Variants in TMEM117 observed in about 807,000 individuals in gnomAD.
The protein encoded by TMEM117 is transmembrane protein 117.
In TMEM117, 27 loss-of-function variants were observed where a neutral mutation model predicts 52.4. The ratio of observed to expected loss-of-function variants is 0.51; its 90% CI spans 0.38 to 0.71. TMEM117 has a LOEUF of 0.71. Among genes scored for constraint, TMEM117 ranks in the 30% least tolerant of loss-of-function variants. The pLI is 0.00. For missense variants in TMEM117, 556 were observed against 630.5 expected (o/e 0.88, Z 1.26); for synonymous variants, 215 against 206.3 (o/e 1.04, Z -0.36).
chr12:43,974,713 G>GT (rs1215889297), intron 3 of TMEM117, among the ~76,000 whole-genome samples: 1 of 152,050 alleles, frequency 6.6e-6, no homozygotes, highest in Non-Finnish European at 1.5e-5. Flanking sequence ...CAGTTATCAT[G>GT]TATTTAATAT....
At chr12:44,250,026 A>G (rs1288126681) in intron 5 of TMEM117, among the ~76,000 whole-genome samples, 4 of 152,240 alleles carry the variant, frequency 2.6e-5, no homozygotes, top group Non-Finnish European at 4.4e-5. Context: ...TCTGCACAGC[A>G]AATGAAACTA....
intron 4 of TMEM117, among the ~76,000 whole-genome samples, chr12:44,149,791 T>C (rs1052835030): frequency 2.6e-5 from 4 of 152,190 alleles, no homozygotes; most frequent in African/African-American, 2.4e-5. Flanking sequence ...TTATTTCTCT[T>C]CTACTGATGT....
intron 2 of TMEM117, among the ~76,000 whole-genome samples, chr12:43,921,763 A>G (rs1475319981): frequency 6.6e-6 from 1 of 152,090 alleles, no homozygotes; most frequent in Non-Finnish European, 1.5e-5. Flanking sequence ...AAAAGTTTTT[A>G]TGTTCACAGC....
intron 6 of TMEM117, among the ~76,000 whole-genome samples, chr12:44,375,711 A>G (rs549384871): frequency 1.3e-5 from 2 of 152,294 alleles, no homozygotes; most frequent in South Asian, 4.1e-4. Flanking sequence ...TAAATATAGG[A>G]CTGATTATTT....
At chr12:44,288,855 A>G (rs1393276555) in intron 5 of TMEM117, among the ~76,000 whole-genome samples, 1 of 152,150 alleles carries the variant, frequency 6.6e-6, no homozygotes, top group East Asian at 1.9e-4. Context: ...TTGTGTGTGT[A>G]TGTATGTATG....
intron 2 of TMEM117, among the ~76,000 whole-genome samples, chr12:43,942,933 C>T (rs1358537000): frequency 6.6e-6 from 1 of 151,884 alleles, no homozygotes; most frequent in Non-Finnish European, 1.5e-5. Flanking sequence ...AATCCCAGCA[C>T]TTTGGGAGGC....
intron 3 of TMEM117, chr12:44,073,393 C>T (rs949096216): frequency 2.3e-5 from 3 of 129,892 alleles, no homozygotes; most frequent in Non-Finnish European, 4.5e-5. Flanking sequence ...CCCCATCAAG[C>T]ATTTTTTTTT....
At chr12:43,996,474 T>A (rs1270086798) in intron 3 of TMEM117, among the ~76,000 whole-genome samples, 1 of 151,958 alleles carries the variant, frequency 6.6e-6, no homozygotes, top group Non-Finnish European at 1.5e-5. Context: ...AAACCCTGTC[T>A]CTACTAAAAA....
chr12:43,878,519 A>G (rs943790788), intron 2 of TMEM117, among the ~76,000 whole-genome samples: 3 of 152,224 alleles, frequency 2.0e-5, no homozygotes, highest in Non-Finnish European at 4.4e-5. Context: ...TCTATTGATA[A>G]GAGGAAGGAA....
chr12:44,230,269 A>G (rs1949915668), intron 5 of TMEM117, among the ~76,000 whole-genome samples: 1 of 152,094 alleles, frequency 6.6e-6, no homozygotes, highest in Non-Finnish European at 1.5e-5. Context: ...CTGCTTTTGA[A>G]TGGTGATCAA....
intron 3 of TMEM117, among the ~76,000 whole-genome samples, chr12:44,018,620 A>G (rs1946407639): frequency 6.6e-6 from 1 of 152,170 alleles, no homozygotes; most frequent in Non-Finnish European, 1.5e-5. Context: ...CTTAAACCAC[A>G]TAGTATGTCT....
chr12:44,284,142 A>G (rs113351059), intron 5 of TMEM117, among the ~76,000 whole-genome samples: 7,252 of 152,124 alleles, frequency 0.048, 190 homozygotes, highest in Admixed American at 0.055. Flanking sequence ...GTGAAACCCC[A>G]TCTCTACTGA....
intron 4 of TMEM117, among the ~76,000 whole-genome samples, chr12:44,159,763 TATTA>T (rs1948874338): frequency 6.6e-6 from 1 of 152,162 alleles, no homozygotes; most frequent in South Asian, 2.1e-4. Flanking sequence ...CTGATAAAAT[TATTA>T]ATTACTTTGT....
At chr12:43,844,602 C>G (rs780875532) in intron 1 of TMEM117, 22 bp from the exon 2 acceptor site, 8 of 1,574,750 alleles carry the variant, frequency 5.1e-6, no homozygotes, top group Admixed American at 1.8e-5. Context: ...TCCTCTAACC[C>G]TATCTATCTT....
chr12:43,806,396 C>G, the TMEM117 span: 6 of 1,174,486 alleles, frequency 5.1e-6, no homozygotes, highest in Non-Finnish European at 5.2e-6. Context: ...ACTGAGTGCC[C>G]GAGCGTCCCC....
intron 3 of TMEM117, among the ~76,000 whole-genome samples, chr12:44,020,430 T>G (rs1946439011): frequency 6.6e-6 from 1 of 152,218 alleles, no homozygotes; most frequent in African/African-American, 2.4e-5. Flanking sequence ...GTTCAAGAAC[T>G]CAGTTTGAGC....
chr12:44,136,201 T>G (rs2138182371), intron 3 of TMEM117, among the ~76,000 whole-genome samples: 1 of 152,272 alleles, frequency 6.6e-6, no homozygotes, highest in South Asian at 2.1e-4. Flanking sequence ...TTTATTGGGG[T>G]TCTCTTAGCA....
At chr12:43,944,092 T>C in intron 2 of TMEM117, 118 bp from the exon 3 acceptor site, 6 of 861,244 alleles carry the variant, frequency 7.0e-6, no homozygotes, top group Non-Finnish European at 1.0e-5. Flanking sequence ...CATAAGGCAG[T>C]CTTATGGCAA....
intron 2 of TMEM117, among the ~76,000 whole-genome samples, chr12:43,930,282 T>C (rs923057362): frequency 5.9e-5 from 9 of 152,280 alleles, no homozygotes; most frequent in South Asian, 4.1e-4. Flanking sequence ...CTCACCTACA[T>C]AGTTTAGTAG....
Sources: allele counts gnomAD v4.1 joint callset (sites outside exome capture counted in the v4.1 genomes callset), GRCh38; gene constraint gnomAD v4.1.1; transcripts MANE v1.5; gene names NCBI Gene and HGNC (gene_info 2026-07-23, HGNC 2026-07-21).